MAMDC2: variants seen among roughly 807,000 people sequenced by gnomAD.
The protein encoded by MAMDC2 is MAM domain containing 2.
In MAMDC2, 57 loss-of-function variants were observed where a neutral mutation model predicts 89.8. That is an observed-to-expected ratio of 0.63 (90% confidence interval 0.51 to 0.79). MAMDC2 has a LOEUF of 0.79. MAMDC2 is among the 30% of genes least tolerant of loss of function. MAMDC2 has a pLI of 0.00. For synonymous variants in MAMDC2, 313 were observed against 293.4 expected (o/e 1.07, Z -0.68); for missense variants, 800 against 820.6 (o/e 0.97, Z 0.31).
chr9:70,152,532 G>C (rs964933072), intron 9 of MAMDC2, among the ~76,000 whole-genome samples: 2 of 152,100 alleles, frequency 1.3e-5, no homozygotes, highest in Admixed American at 6.6e-5. Flanking sequence ...AGCAGATCCA[G>C]GTCTTTTTGA....
chr9:70,051,888 G>GAGAT (rs71364576), intron 2 of MAMDC2, among the ~76,000 whole-genome samples: 79,688 of 148,710 alleles, frequency 0.54, 21,768 homozygotes, highest in Non-Finnish European at 0.6. Flanking sequence ...TAGATAGATA[G>GAGAT]AGATAGATAG....
intron 4 of MAMDC2, among the ~76,000 whole-genome samples, chr9:70,111,983 C>A (rs1297140437): frequency 6.6e-6 from 1 of 152,186 alleles, no homozygotes; most frequent in Non-Finnish European, 1.5e-5. Flanking sequence ...CAACTCATGG[C>A]GACCTGGCTG....
At chr9:70,190,607 G>A (rs1021857495) in intron 11 of MAMDC2, among the ~76,000 whole-genome samples, 2 of 151,062 alleles carry the variant, frequency 1.3e-5, no homozygotes, top group Admixed American at 6.6e-5. Context: ...TATTTACATG[G>A]CCTTTCAGAT....
At chr9:70,209,149 T>A (rs1414007656) in intron 11 of MAMDC2, among the ~76,000 whole-genome samples, 4 of 152,244 alleles carry the variant, frequency 2.6e-5, no homozygotes, top group African/African-American at 4.8e-5. Context: ...CCTCATAAAA[T>A]GAATTAGGGA....
At chr9:70,093,439 T>TTC in intron 2 of MAMDC2, among the ~76,000 whole-genome samples, 1 of 151,174 alleles carries the variant, frequency 6.6e-6, no homozygotes, top group South Asian at 2.1e-4. Context: ...TTTTTTTTTT[T>TTC]CTTCAGATGG....
At chr9:70,148,395 C>A (rs2031472805) in intron 9 of MAMDC2, among the ~76,000 whole-genome samples, 2 of 150,320 alleles carry the variant, frequency 1.3e-5, no homozygotes, top group African/African-American at 4.9e-5. Flanking sequence ...GGAGAACAGA[C>A]ACAGCAATCT....
intron 4 of MAMDC2, among the ~76,000 whole-genome samples, chr9:70,112,069 G>A (rs1828524252): frequency 6.6e-6 from 1 of 152,184 alleles, no homozygotes; most frequent in Non-Finnish European, 1.5e-5. Context: ...CAGGGAGATG[G>A]AAGGCAGGGT....
chr9:70,062,892 T>A (rs533767936), intron 2 of MAMDC2: 1 of 152,348 alleles, frequency 6.6e-6, no homozygotes, highest in African/African-American at 2.4e-5. Context: ...CTACTGAGCA[T>A]CTTCAGATGC....
intron 11 of MAMDC2, among the ~76,000 whole-genome samples, chr9:70,211,866 G>T (rs981613827): frequency 3.9e-5 from 6 of 152,204 alleles, no homozygotes; most frequent in Admixed American, 1.3e-4. Flanking sequence ...CTCAACTGCA[G>T]GTCTGTTGGA....
intron 2 of MAMDC2, among the ~76,000 whole-genome samples, chr9:70,097,827 C>A (rs1186447690): frequency 2.0e-5 from 3 of 152,066 alleles, no homozygotes; most frequent in Non-Finnish European, 4.4e-5. Flanking sequence ...GGAAACTAAC[C>A]AAAAGCCAGG....
At chr9:70,173,841 G>C (rs942164856) in intron 11 of MAMDC2, among the ~76,000 whole-genome samples, 1 of 152,168 alleles carries the variant, frequency 6.6e-6, no homozygotes, top group African/African-American at 2.4e-5. Context: ...GACAACCTAA[G>C]GTTTCCCATT....
At chr9:70,163,703 C>T (rs2032064268) in intron 9 of MAMDC2, among the ~76,000 whole-genome samples, 1 of 152,030 alleles carries the variant, frequency 6.6e-6, no homozygotes, top group African/African-American at 2.4e-5. Context: ...CCTGTAATCT[C>T]AGCACTCTGG....
chr9:70,190,113 C>A (rs1450996240), intron 11 of MAMDC2, among the ~76,000 whole-genome samples: 1 of 152,062 alleles, frequency 6.6e-6, no homozygotes, highest in Non-Finnish European at 1.5e-5. Context: ...CTATTGACTG[C>A]TTTTTATCCT....
intron 7 of MAMDC2, among the ~76,000 whole-genome samples, chr9:70,139,631 T>C (rs1170397445): frequency 3.3e-5 from 5 of 152,176 alleles, no homozygotes; most frequent in Non-Finnish European, 7.3e-5. Flanking sequence ...TTTGGGTATA[T>C]ACCCAGTAAT....
chr9:70,193,567 T>C (rs1357645481), intron 11 of MAMDC2, among the ~76,000 whole-genome samples: 1 of 151,890 alleles, frequency 6.6e-6, no homozygotes, highest in Non-Finnish European at 1.5e-5. Flanking sequence ...TGCTCATTTA[T>C]TGCATTTAGT....
At chr9:70,198,864 T>C (rs1248859191) in intron 11 of MAMDC2, among the ~76,000 whole-genome samples, 1 of 152,160 alleles carries the variant, frequency 6.6e-6, no homozygotes, top group Non-Finnish European at 1.5e-5. Flanking sequence ...AAGTTTGCTA[T>C]GAGACAAAAG....
At chr9:70,138,675 A>T (rs2031089784) in intron 7 of MAMDC2, among the ~76,000 whole-genome samples, 1 of 152,000 alleles carries the variant, frequency 6.6e-6, no homozygotes, top group Non-Finnish European at 1.5e-5. Flanking sequence ...TTTTTTATAT[A>T]CCTGTTGGCC....
intron 11 of MAMDC2, among the ~76,000 whole-genome samples, chr9:70,199,500 G>A (rs1192825276): frequency 6.7e-5 from 10 of 149,226 alleles, no homozygotes; most frequent in South Asian, 4.4e-4. Context: ...GAATAATGCC[G>A]CAATAAACAT....
At chr9:70,216,908 A>G (rs2033456935) in intron 11 of MAMDC2, among the ~76,000 whole-genome samples, 1 of 152,174 alleles carries the variant, frequency 6.6e-6, no homozygotes, top group Non-Finnish European at 1.5e-5. Flanking sequence ...ATACATGTCC[A>G]ATTTCTGTAG....
Sources: gnomAD v4.1 joint callset for allele counts (sites outside exome capture counted in the v4.1 genomes callset) on GRCh38, gnomAD v4.1.1 for gene constraint, MANE v1.5 for transcripts, NCBI Gene and HGNC (gene_info 2026-07-23, HGNC 2026-07-21) for gene names.